The following TMTC1 variants were observed in gnomAD, a reference collection of about 807,000 sequenced individuals.
TMTC1 encodes protein O-mannosyl-transferase TMTC1.
TMTC1 carries 73 observed loss-of-function variants against 104.8 expected under a neutral mutation model. The observed-to-expected ratio is 0.70, with a 90% CI of 0.58 to 0.85. The LOEUF is 0.85. TMTC1 is among the 40% of genes least tolerant of loss of function. The pLI is 0.00. For synonymous variants in TMTC1, 434 were observed against 428.7 expected (o/e 1.01, Z -0.15); for missense variants, 1,035 against 1,096.1 (o/e 0.94, Z 0.79).
At position 29,549,015 on chromosome 12, in the gene TMTC1, ATTATATG is replaced by A. The variant is rs1945025251; in HGVS notation, c.1676+7835_1676+7841del. On this transcript the variant is annotated intron_variant, in intron 10 of 17. Coordinates refer to ENST00000539277, the MANE Select transcript of TMTC1 (RefSeq NM_001193451.2). ...TAAATATATAAATTATATATTATATATTATATGTTATATATTTATATATTATTTATAT... is the reference window on the plus strand; with the variant it reads ...TAAATATATAAATTATATATTATATATTATATATTTATATATTATTTATAT... 2.8e-5 allele frequency among the ~76,000 whole-genome samples: 4 copies of A among 145,370 alleles called. No homozygotes were observed. In the Admixed American group the frequency reaches 2.8e-4, roughly 10 times the overall value.
intron 8 of TMTC1, among the ~76,000 whole-genome samples, chr12:29,574,682 G>A (rs1945772987): frequency 6.6e-6 from 1 of 152,200 alleles, no homozygotes; most frequent in South Asian, 2.1e-4. Flanking sequence ...CACAGACAGA[G>A]AAAGCTCTGG....
chr12:29,743,872 C>G (rs1942887056), intron 5 of TMTC1, among the ~76,000 whole-genome samples: 4 of 152,148 alleles, frequency 2.6e-5, no homozygotes, highest in Admixed American at 2.0e-4. Flanking sequence ...GCAGCTAACT[C>G]CCTGCAGCAC....
intron 6 of TMTC1, among the ~76,000 whole-genome samples, chr12:29,620,765 GA>G (rs1479305884): frequency 6.6e-6 from 1 of 152,198 alleles, no homozygotes; most frequent in African/African-American, 2.4e-5. Context: ...TACTGAGCTG[GA>G]AAACTGTGAC....
At position 29,766,474 on chromosome 12, in the gene TMTC1, T is replaced by C. The variant is rs1333751258; in HGVS notation, c.480+1424A>G. On this transcript the variant is annotated intron_variant, in intron 2 of 17. Transcript: ENST00000539277. Reference sequence around the variant, plus strand: ...TTATATTCTTCATAGAGATACGTGTTAGACAGGGAGAGATGTGAAGCCCTC... The same window carrying C: ...TTATATTCTTCATAGAGATACGTGTCAGACAGGGAGAGATGTGAAGCCCTC... Among the ~76,000 whole-genome samples the C allele has an allele frequency of 2.6e-5, 4 of 152,340 alleles. No homozygotes were observed. The East Asian group carries it at 7.7e-4, about 29-fold the overall frequency.
chr12:29,600,006 A>ATT (rs1334824731), intron 7 of TMTC1, among the ~76,000 whole-genome samples: 6 of 102,348 alleles, frequency 5.9e-5, no homozygotes, highest in African/African-American at 1.8e-4. Flanking sequence ...ATATATATAT[A>ATT]TATTTTTTTT....
intron 11 of TMTC1, among the ~76,000 whole-genome samples, chr12:29,527,457 A>AT: frequency 6.6e-6 from 1 of 152,328 alleles, no homozygotes; most frequent in South Asian, 2.1e-4. Flanking sequence ...GGCAGCCAAG[A>AT]GTGGCATCCA....
intron 6 of TMTC1, among the ~76,000 whole-genome samples, chr12:29,605,551 C>A (rs1356760002): frequency 7.7e-6 from 1 of 130,042 alleles, no homozygotes; most frequent in Non-Finnish European, 1.6e-5. Context: ...TCATGATCTA[C>A]CAAAACTGAC....
At chr12:29,618,328 T>TATAG (rs1328851273) in intron 6 of TMTC1, among the ~76,000 whole-genome samples, 15 of 152,212 alleles carry the variant, frequency 9.9e-5, no homozygotes, top group African/African-American at 3.6e-4. Context: ...GATGCATGTA[T>TATAG]ATAGATGACA....
chr12:29,682,120 G>A (rs1940938350), intron 5 of TMTC1, among the ~76,000 whole-genome samples: 1 of 152,144 alleles, frequency 6.6e-6, no homozygotes, highest in Non-Finnish European at 1.5e-5. Flanking sequence ...TTTCACTACA[G>A]AATATATACA....
chr12:29,731,529 A>G (rs1805450784), intron 5 of TMTC1, among the ~76,000 whole-genome samples: 1 of 152,212 alleles, frequency 6.6e-6, no homozygotes, highest in South Asian at 2.1e-4. Flanking sequence ...GAAACTGTTC[A>G]GGAACTGTCT....
At chr12:29,581,948 G>A (rs1225299587) in intron 8 of TMTC1, among the ~76,000 whole-genome samples, 1 of 152,006 alleles carries the variant, frequency 6.6e-6, no homozygotes, top group Admixed American at 6.6e-5. Flanking sequence ...CAGAATCTAA[G>A]AGTGATTTTG....
intron 5 of TMTC1, among the ~76,000 whole-genome samples, chr12:29,662,369 T>C (rs1005990199): frequency 1.3e-5 from 2 of 152,130 alleles, no homozygotes; most frequent in African/African-American, 4.8e-5. Flanking sequence ...TTGCTTACAA[T>C]GGCCAGGTGA....
intron 5 of TMTC1, among the ~76,000 whole-genome samples, chr12:29,726,256 C>T (rs953109031): frequency 2.0e-5 from 3 of 152,168 alleles, no homozygotes; most frequent in Admixed American, 6.5e-5. Flanking sequence ...TTTCTGCCCT[C>T]GTTTCTGCCT....
intron 6 of TMTC1, among the ~76,000 whole-genome samples, chr12:29,608,969 C>T (rs1025723871): frequency 2.0e-5 from 3 of 152,176 alleles, no homozygotes; most frequent in Admixed American, 2.0e-4. Flanking sequence ...CTTTGATACA[C>T]ATGTATGCAC....
intron 10 of TMTC1, among the ~76,000 whole-genome samples, chr12:29,548,835 C>T (rs74802276): frequency 1 from 142,521 of 142,566 alleles, 71,238 homozygotes; most frequent in Middle Eastern, 1. Flanking sequence ...TTGATTATAT[C>T]ACTTATCTAA....
At chr12:29,668,452 A>ATTTTTTT (rs1940369316) in intron 5 of TMTC1, among the ~76,000 whole-genome samples, 11 of 98,028 alleles carry the variant, frequency 1.1e-4, no homozygotes, top group East Asian at 8.3e-4. Context: ...ATACCAACTT[A>ATTTTTTT]TCTTTTTTTT....
intron 10 of TMTC1, among the ~76,000 whole-genome samples, chr12:29,540,206 C>T (rs767348918): frequency 1.3e-5 from 2 of 152,162 alleles, no homozygotes; most frequent in Non-Finnish European, 2.9e-5. Flanking sequence ...CCAGGTCCAT[C>T]TAACAGTGAA....
chr12:29,539,883 C>T (rs73263901), intron 10 of TMTC1, among the ~76,000 whole-genome samples: 2,246 of 152,284 alleles, frequency 0.015, 41 homozygotes, highest in African/African-American at 0.046. Context: ...GGTCTTCCGC[C>T]TCTCAGCCTG....
rs996639906 is a variant in TMTC1, at chr12:29,736,482, C to T, written c.938+15184G>A. On this transcript the variant is annotated intron_variant, in intron 5 of 17. Coordinates refer to ENST00000539277, the MANE Select transcript of TMTC1 (RefSeq NM_001193451.2). The stretch of plus-strand genomic sequence containing the variant: ...TCGCCCAGGCTGGAGTGCAGTGGCG[C>T]GATCTGGGCTCACTGCAACCTCCGT... Among the ~76,000 whole-genome samples the T allele has an allele frequency of 7.2e-5, 11 of 151,932 alleles. 1 individual carries two copies. In the East Asian group the frequency reaches 9.7e-4, roughly 13 times the overall value.
Sources: allele counts gnomAD v4.1 joint callset (sites outside exome capture counted in the v4.1 genomes callset), GRCh38; gene constraint gnomAD v4.1.1; transcripts MANE v1.5; gene names NCBI Gene and HGNC (gene_info 2026-07-23, HGNC 2026-07-21).